CREB5: variants seen among roughly 807,000 people sequenced by gnomAD.
CREB5 encodes cAMP responsive element binding protein 5, also known as cyclic AMP-responsive element-binding protein 5.
CREB5 carries 19 observed loss-of-function variants against 57.1 expected under a neutral mutation model. That is an observed-to-expected ratio of 0.33 (90% confidence interval 0.23 to 0.49). CREB5 has a LOEUF of 0.49. CREB5 is among the 20% of genes least tolerant of loss of function. The pLI, the probability that CREB5 is intolerant of heterozygous loss-of-function variation, is 0.99. For synonymous variants in CREB5, 238 were observed against 238.3 expected (o/e 1.00, Z 0.01); for missense variants, 579 against 671.6 (o/e 0.86, Z 1.52).
intron 1 of CREB5, among the ~76,000 whole-genome samples, chr7:28,364,181 AC>A (rs1326790839): frequency 6.6e-6 from 1 of 152,212 alleles, no homozygotes; most frequent in Non-Finnish European, 1.5e-5. Flanking sequence ...GGTGTTAAAA[AC>A]TTTTTGCCGG....
chr7:28,482,018 A>C (rs1200084229), intron 1 of CREB5, among the ~76,000 whole-genome samples: 2 of 152,222 alleles, frequency 1.3e-5, no homozygotes, highest in African/African-American at 4.8e-5. Flanking sequence ...TATATTTGAA[A>C]TCCAGAGGAC....
At chr7:28,522,656 C>G (rs1239625431) in intron 4 of CREB5, among the ~76,000 whole-genome samples, 1 of 152,152 alleles carries the variant, frequency 6.6e-6, no homozygotes, top group Non-Finnish European at 1.5e-5. Context: ...CCTCAGCCTC[C>G]CAAAGTGCTG....
In CREB5 at chr7:28,819,496, G is replaced by A. The variant is rs1043524936; in HGVS notation, c.*217G>A. On this transcript the variant is annotated 3_prime_UTR_variant, in exon 11 of 11. Transcript: ENST00000357727. Reference sequence around the variant, plus strand: ...ATTAATATCTATCAGCTTGGGAAACGCTTTGGTGCTTTTCTCCAGTTTTCT... The same window carrying A: ...ATTAATATCTATCAGCTTGGGAAACACTTTGGTGCTTTTCTCCAGTTTTCT... The A allele has an allele frequency of 1.9e-5, 9 of 471,136 alleles. No individual in the cohort carries two copies. Among genetic ancestry groups the A allele is most frequent in the East Asian group, 1.1e-4 (3 of 27,156 alleles). 29.2% of individuals were successfully genotyped at this position (471,136 alleles called of 1,614,324 possible).
intron 1 of CREB5, among the ~76,000 whole-genome samples, chr7:28,386,971 C>T (rs943040959): frequency 1.2e-4 from 19 of 152,112 alleles, no homozygotes; most frequent in Non-Finnish European, 1.3e-4. Context: ...TTTATCCAGT[C>T]TATTATTGAT....
At chr7:28,569,138 TTCTC>T (rs1795598695) in intron 4 of CREB5, among the ~76,000 whole-genome samples, 1 of 151,624 alleles carries the variant, frequency 6.6e-6, no homozygotes, top group Non-Finnish European at 1.5e-5. Context: ...GCCAAGCACT[TTCTC>T]TTTCTTTTCT....
At chr7:28,579,230 C>T (rs777946890) in intron 5 of CREB5, among the ~76,000 whole-genome samples, 6 of 152,200 alleles carry the variant, frequency 3.9e-5, no homozygotes, top group African/African-American at 7.2e-5. Context: ...AAGTGTGTTT[C>T]CTTATCATGG....
intron 5 of CREB5, among the ~76,000 whole-genome samples, chr7:28,594,744 T>A (rs1423870749): frequency 6.6e-6 from 1 of 152,220 alleles, no homozygotes; most frequent in Non-Finnish European, 1.5e-5. Context: ...ATAGTTTTCA[T>A]ATTAGACTCT....
chr7:28,781,161 G>A (rs967855184), intron 7 of CREB5, among the ~76,000 whole-genome samples: 9 of 152,178 alleles, frequency 5.9e-5, no homozygotes, highest in African/African-American at 1.9e-4. Flanking sequence ...ACACTCTGGA[G>A]GATCCAGAGA....
At chr7:28,703,947 C>T (rs1801983956) in intron 5 of CREB5, among the ~76,000 whole-genome samples, 1 of 152,208 alleles carries the variant, frequency 6.6e-6, no homozygotes, top group Non-Finnish European at 1.5e-5. Context: ...TCAACCTAGG[C>T]ACTTAGGGAA....
intron 1 of CREB5, among the ~76,000 whole-genome samples, chr7:28,468,295 G>A (rs1389974841): frequency 6.6e-6 from 1 of 152,214 alleles, no homozygotes; most frequent in Non-Finnish European, 1.5e-5. Flanking sequence ...CACAGGGAAA[G>A]TTCACGGTCA....
chr7:28,563,752 C>A (rs1795368996), intron 4 of CREB5, among the ~76,000 whole-genome samples: 1 of 152,126 alleles, frequency 6.6e-6, no homozygotes, highest in Non-Finnish European at 1.5e-5. Flanking sequence ...TTTCATAGCC[C>A]CCCTGTGCTC....
At chr7:28,738,559 G>A (rs750586653) in intron 7 of CREB5, among the ~76,000 whole-genome samples, 6 of 152,186 alleles carry the variant, frequency 3.9e-5, no homozygotes, top group Admixed American at 6.5e-5. Flanking sequence ...ACAGCAAAAA[G>A]CATGTTTATC....
intron 4 of CREB5, among the ~76,000 whole-genome samples, chr7:28,565,068 A>G (rs1035593414): frequency 6.6e-6 from 1 of 152,218 alleles, no homozygotes; most frequent in South Asian, 2.1e-4. Context: ...AGGGTAGACA[A>G]ACTGGACTAG....
intron 1 of CREB5, among the ~76,000 whole-genome samples, chr7:28,329,179 T>G (rs570827833): frequency 6.6e-6 from 1 of 152,298 alleles, no homozygotes; most frequent in East Asian, 1.9e-4. Context: ...TATGGGGAAA[T>G]TTCTCACAGA....
intron 4 of CREB5, among the ~76,000 whole-genome samples, chr7:28,525,331 G>A (rs1162930396): frequency 1.3e-5 from 2 of 152,016 alleles, no homozygotes; most frequent in African/African-American, 4.8e-5. Flanking sequence ...ATTTCCTTTG[G>A]ATAAATACTC....
At chr7:28,492,254 C>T (rs2128596821) in intron 2 of CREB5, among the ~76,000 whole-genome samples, 1 of 152,322 alleles carries the variant, frequency 6.6e-6, no homozygotes, top group East Asian at 1.9e-4. Context: ...TCCGCCTCGG[C>T]TTCCCAAAGT....
intron 1 of CREB5, among the ~76,000 whole-genome samples, chr7:28,323,318 T>A (rs560705533): frequency 4.7e-4 from 71 of 152,350 alleles, no homozygotes; most frequent in African/African-American, 1.6e-3. Context: ...GCAGCAAATC[T>A]TATTTACTTC....
At chr7:28,423,994 G>A (rs903384893) in intron 1 of CREB5, among the ~76,000 whole-genome samples, 4 of 152,182 alleles carry the variant, frequency 2.6e-5, no homozygotes, top group East Asian at 1.9e-4. Flanking sequence ...TGGAGGCTGC[G>A]AGTCAGAAAT....
At chr7:28,611,653 G>A (rs1344831422) in intron 5 of CREB5, among the ~76,000 whole-genome samples, 4 of 150,106 alleles carry the variant, frequency 2.7e-5, no homozygotes, top group African/African-American at 4.9e-5. Flanking sequence ...TCTAGCCTGT[G>A]CGACAGAGAC....
Sources: allele counts gnomAD v4.1 joint callset (sites outside exome capture counted in the v4.1 genomes callset), GRCh38; gene constraint gnomAD v4.1.1; transcripts MANE v1.5; gene names NCBI Gene and HGNC (gene_info 2026-07-23, HGNC 2026-07-21).